NTNG1: variants seen among roughly 807,000 people sequenced by gnomAD.
NTNG1 encodes the protein netrin G1, also known as netrin-G1.
A neutral mutation model predicts 54.0 loss-of-function variants in NTNG1; 16 were observed. The observed-to-expected ratio is 0.30, with a 90% CI of 0.20 to 0.45. The LOEUF is 0.45. NTNG1 is among the 20% of genes least tolerant of loss of function. The pLI is 1.00. For synonymous variants in NTNG1, 255 were observed against 263.1 expected (o/e 0.97, Z 0.30); for missense variants, 530 against 678.7 (o/e 0.78, Z 2.43).
intron 4 of NTNG1, among the ~76,000 whole-genome samples, chr1:107,399,504 T>C (rs1672888921): frequency 6.6e-6 from 1 of 152,194 alleles, no homozygotes; most frequent in Admixed American, 6.6e-5. Flanking sequence ...ATTGTTCTAT[T>C]ATTTTCTCTG....
intron 3 of NTNG1, among the ~76,000 whole-genome samples, chr1:107,337,352 C>T (rs1201270451): frequency 2.0e-5 from 3 of 151,906 alleles, no homozygotes; most frequent in Admixed American, 1.3e-4. Context: ...GTGAAATAAG[C>T]CAGTCACAAA....
chr1:107,185,683 G>T (rs971598651), intron 2 of NTNG1, among the ~76,000 whole-genome samples: 1 of 152,036 alleles, frequency 6.6e-6, no homozygotes, highest in Non-Finnish European at 1.5e-5. Flanking sequence ...ACGTAGCATC[G>T]TTTGTGCTGT....
At chr1:107,471,236 A>G (rs1446186906) in intron 7 of NTNG1, among the ~76,000 whole-genome samples, 1 of 152,184 alleles carries the variant, frequency 6.6e-6, no homozygotes, top group Non-Finnish European at 1.5e-5. Context: ...ATTGTTCCCT[A>G]TAGCAACTTC....
intron 3 of NTNG1, among the ~76,000 whole-genome samples, chr1:107,364,930 G>A (rs1322561829): frequency 2.0e-5 from 3 of 152,048 alleles, no homozygotes; most frequent in Non-Finnish European, 2.9e-5. Context: ...ACTTCCCAAA[G>A]TATAGCACTT....
At chr1:107,375,804 A>G (rs944396614) in intron 3 of NTNG1, among the ~76,000 whole-genome samples, 1 of 152,214 alleles carries the variant, frequency 6.6e-6, no homozygotes, top group Non-Finnish European at 1.5e-5. Context: ...CATGTCAGAC[A>G]TCAGACCAGC....
chr1:107,266,907 C>T (rs183639555), intron 2 of NTNG1, among the ~76,000 whole-genome samples: 6 of 152,238 alleles, frequency 3.9e-5, no homozygotes, highest in East Asian at 1.9e-4. Flanking sequence ...CTGTGGGTCT[C>T]ATGTACAGAT....
At chr1:107,315,123 GC>G (rs1667262672) in intron 2 of NTNG1, among the ~76,000 whole-genome samples, 1 of 152,130 alleles carries the variant, frequency 6.6e-6, no homozygotes, top group South Asian at 2.1e-4. Flanking sequence ...CCAGAAGCCT[GC>G]TTTTTATCAC....
chr1:107,313,822 T>C (rs1667170786), intron 2 of NTNG1, among the ~76,000 whole-genome samples: 1 of 152,188 alleles, frequency 6.6e-6, no homozygotes, highest in African/African-American at 2.4e-5. Flanking sequence ...CTTTCACTGA[T>C]AATGTGGATT....
intron 2 of NTNG1, among the ~76,000 whole-genome samples, chr1:107,226,081 T>G (rs555569934): frequency 1.4e-3 from 208 of 152,268 alleles, no homozygotes; most frequent in Non-Finnish European, 5.3e-4. Context: ...TGCCCAAAGT[T>G]ATATAGCTTG....
At chr1:107,344,170 G>A (rs560014036) in intron 3 of NTNG1, among the ~76,000 whole-genome samples, 1 of 152,034 alleles carries the variant, frequency 6.6e-6, no homozygotes, top group Non-Finnish European at 1.5e-5. Flanking sequence ...CCCTCCAAAA[G>A]GAAAACTTTA....
chr1:107,350,450 T>C (rs1431875290), intron 3 of NTNG1, among the ~76,000 whole-genome samples: 6 of 152,180 alleles, frequency 3.9e-5, no homozygotes, highest in African/African-American at 1.2e-4. Context: ...AAATTAAATC[T>C]TTATTCAACT....
At chr1:107,443,296 T>C (rs1018530785) in intron 7 of NTNG1, among the ~76,000 whole-genome samples, 15 of 152,158 alleles carry the variant, frequency 9.9e-5, no homozygotes, top group African/African-American at 3.4e-4. Context: ...TCACTTCTGG[T>C]TTCCAAAAGT....
chr1:107,269,181 C>A (rs1663961466), intron 2 of NTNG1, among the ~76,000 whole-genome samples: 1 of 152,154 alleles, frequency 6.6e-6, no homozygotes, highest in Non-Finnish European at 1.5e-5. Flanking sequence ...GTTTACAAAT[C>A]CTGTAGGACT....
At chr1:107,235,015 G>A (rs1241014405) in intron 2 of NTNG1, among the ~76,000 whole-genome samples, 3 of 151,896 alleles carry the variant, frequency 2.0e-5, no homozygotes, top group African/African-American at 7.2e-5. Flanking sequence ...TAGACCCAAT[G>A]TAATGCAATG....
At chr1:107,207,374 A>T (rs1214692010) in intron 2 of NTNG1, among the ~76,000 whole-genome samples, 1 of 152,210 alleles carries the variant, frequency 6.6e-6, no homozygotes, top group Non-Finnish European at 1.5e-5. Flanking sequence ...CACTGAAAAA[A>T]TGACTTTCAG....
chr1:107,484,384 T>G lies in NTNG1; in HGVS notation c.*3544T>G, dbSNP rs984292157. ...TGGGCTTCCAAGGGTTATGAAAGCA[T>G]CATGTGTCAAAGTGGCAGGATGGAA... On this transcript the variant is annotated 3_prime_UTR_variant, in exon 8 of 8. Coordinates refer to ENST00000370068, the MANE Select transcript of NTNG1 (RefSeq NM_001113226.3). Among the ~76,000 whole-genome samples, 5 of 152,188 alleles carry G rather than the reference T, an allele frequency of 3.3e-5. No individual in the cohort carries two copies. The highest frequency in any genetic ancestry group is 2.9e-5 in the Non-Finnish European group (2 of 68,028).
At chr1:107,448,895 A>G (rs1676457859) in intron 7 of NTNG1, among the ~76,000 whole-genome samples, 1 of 152,094 alleles carries the variant, frequency 6.6e-6, no homozygotes, top group Admixed American at 6.6e-5. Context: ...TAGGTTAATA[A>G]TAAATATTTT....
chr1:107,423,852 GA>G (rs1317636740), intron 5 of NTNG1, among the ~76,000 whole-genome samples: 1 of 151,962 alleles, frequency 6.6e-6, no homozygotes, highest in Non-Finnish European at 1.5e-5. Context: ...TTCTCTTCAG[GA>G]ATTCAAACGA....
chr1:107,467,584 A>T (rs147445701), intron 7 of NTNG1, among the ~76,000 whole-genome samples: 91 of 152,344 alleles, frequency 6.0e-4, no homozygotes, highest in Admixed American at 3.5e-3. Flanking sequence ...TGGTAATGTC[A>T]GTATTGAAAT....
Sources: allele counts gnomAD v4.1 joint callset (sites outside exome capture counted in the v4.1 genomes callset), GRCh38; gene constraint gnomAD v4.1.1; transcripts MANE v1.5; gene names NCBI Gene and HGNC (gene_info 2026-07-23, HGNC 2026-07-21).